The following PTPRO variants were observed in gnomAD, a reference collection of about 807,000 sequenced individuals.
PTPRO encodes receptor-type tyrosine-protein phosphatase O.
In PTPRO, 62 loss-of-function variants were observed where a neutral mutation model predicts 145.2. The observed-to-expected ratio is 0.43, with a 90% CI of 0.35 to 0.53. The LOEUF (loss-of-function observed/expected upper bound fraction) is 0.53, where lower values mean the gene tolerates loss of function less well. Among genes scored for constraint, PTPRO ranks in the 20% least tolerant of loss-of-function variants. The pLI, the probability that PTPRO is intolerant of heterozygous loss-of-function variation, is 0.01. For synonymous variants in PTPRO, 565 were observed against 514.7 expected (o/e 1.10, Z -1.32); for missense variants, 1,345 against 1,482.7 (o/e 0.91, Z 1.53).
chr12:15,488,247 A>T (rs1941931551), intron 2 of PTPRO, among the ~76,000 whole-genome samples: 1 of 152,196 alleles, frequency 6.6e-6, no homozygotes, highest in Admixed American at 6.5e-5. Context: ...ATTAAATATT[A>T]TCTTGTACCT....
intron 7 of PTPRO, among the ~76,000 whole-genome samples, chr12:15,513,104 A>G (rs1337695937): frequency 6.4e-5 from 1 of 15,652 alleles, no homozygotes; most frequent in East Asian, 6.3e-4. Flanking sequence ...AGAAAGAAAG[A>G]AAGAAAGGAA....
chr12:15,421,710 T>A (rs1003892682), intron 1 of PTPRO, among the ~76,000 whole-genome samples: 2 of 152,252 alleles, frequency 1.3e-5, no homozygotes, highest in Non-Finnish European at 2.9e-5. Context: ...TCCAATAATT[T>A]ATGATATCAT....
chr12:15,365,149 T>A (rs1010172634), intron 1 of PTPRO, among the ~76,000 whole-genome samples: 2 of 152,190 alleles, frequency 1.3e-5, no homozygotes, highest in African/African-American at 4.8e-5. Flanking sequence ...GATTTTGCTA[T>A]GCTGGACATA....
intron 1 of PTPRO, among the ~76,000 whole-genome samples, chr12:15,372,089 T>C (rs958634834): frequency 1.2e-4 from 18 of 152,186 alleles, no homozygotes; most frequent in Non-Finnish European, 2.5e-4. Context: ...CAATTTTACT[T>C]TGCAAAATTC....
chr12:15,359,560 G>A (rs945717448), intron 1 of PTPRO, among the ~76,000 whole-genome samples: 4 of 147,138 alleles, frequency 2.7e-5, no homozygotes, highest in Admixed American at 1.4e-4. Context: ...CCACCACCAC[G>A]CCTAGCTAAT....
intron 12 of PTPRO, among the ~76,000 whole-genome samples, chr12:15,541,261 G>C (rs1352784106): frequency 6.6e-6 from 1 of 152,146 alleles, no homozygotes; most frequent in African/African-American, 2.4e-5. Flanking sequence ...ATTATATAAA[G>C]TGTTTGTGTA....
chr12:15,541,082 A>G (rs1443285832), intron 12 of PTPRO, among the ~76,000 whole-genome samples: 2 of 152,306 alleles, frequency 1.3e-5, no homozygotes, highest in East Asian at 1.9e-4. Context: ...ACCCATATAC[A>G]TAGGTACTCA....
intron 6 of PTPRO, among the ~76,000 whole-genome samples, chr12:15,507,656 T>C (rs1277834395): frequency 2.0e-5 from 3 of 152,154 alleles, no homozygotes; most frequent in Admixed American, 6.5e-5. Flanking sequence ...CCTATAAATA[T>C]GTAATGGGTT....
chr12:15,448,534 A>C (rs572384101), intron 1 of PTPRO, among the ~76,000 whole-genome samples: 3 of 152,170 alleles, frequency 2.0e-5, no homozygotes, highest in South Asian at 4.2e-4. Context: ...ACAAGTGTGC[A>C]CAAGGTTGTG....
intron 1 of PTPRO, among the ~76,000 whole-genome samples, chr12:15,330,544 T>A (rs1444225544): frequency 6.6e-6 from 1 of 152,202 alleles, no homozygotes; most frequent in Non-Finnish European, 1.5e-5. Context: ...GCCCTTTGGT[T>A]CCTAGTGAGT....
chr12:15,587,926 G>A (rs4353325), intron 24 of PTPRO, among the ~76,000 whole-genome samples: 142,196 of 152,254 alleles, frequency 0.93, 67,122 homozygotes, highest in East Asian at 1. Context: ...ACTAGAATGA[G>A]GAAGTATATG....
At chr12:15,482,144 G>GGT (rs57202820) in intron 1 of PTPRO, among the ~76,000 whole-genome samples, 9,270 of 148,190 alleles carry the variant, frequency 0.063, 336 homozygotes, top group East Asian at 0.099. Flanking sequence ...AAGAAAATAT[G>GGT]GTGTGTGTGT....
At position 15,578,844 on chromosome 12, in the gene PTPRO, C is replaced by T. The variant is rs1944245077; in HGVS notation, c.2830-9C>T. 1 of 1,559,680 alleles carries T rather than the reference C, an allele frequency of 6.4e-7. No individual in the cohort carries two copies. Among genetic ancestry groups the T allele is most frequent in the South Asian group, 1.1e-5 (1 of 89,962 alleles). On this transcript the variant is annotated splice_polypyrimidine_tract_variant and intron_variant, in intron 19 of 26. Transcript: ENST00000281171. ...TGGAACTCTCAAATCCATTCTCTGT[C>T]CTTTACAGGAGTTGAAATTGATTGG...
intron 1 of PTPRO, among the ~76,000 whole-genome samples, chr12:15,324,456 T>C (rs1247363856): frequency 1.3e-5 from 2 of 152,180 alleles, no homozygotes; most frequent in African/African-American, 4.8e-5. Context: ...AAAATGCAGT[T>C]AGTGATGGTG....
Position 15,596,697 on chromosome 12 carries a change from CTT to C in PTPRO, c.*627_*628del, listed in dbSNP as rs933950749. 1.3e-5 allele frequency: 2 copies of C among 152,188 alleles called. No homozygotes were observed. Among genetic ancestry groups the C allele is most frequent in the African/African-American group, 4.8e-5 (2 of 41,432 alleles). 9.4% of individuals were successfully genotyped at this position (152,188 alleles called of 1,614,324 possible). ...TCTACCCACAGATCAACTGTGTAAT[CTT>C]TTACTATTCAAGCTATAATTCAGCT... On this transcript the variant is annotated 3_prime_UTR_variant, in exon 27 of 27. Transcript: ENST00000281171.
At chr12:15,388,955 C>G (rs1373033466) in intron 1 of PTPRO, among the ~76,000 whole-genome samples, 1 of 151,814 alleles carries the variant, frequency 6.6e-6, no homozygotes, top group African/African-American at 2.4e-5. Flanking sequence ...TGACCTCTTT[C>G]CTTACTCTCA....
chr12:15,449,771 G>C (rs867476270), intron 1 of PTPRO, among the ~76,000 whole-genome samples: 1 of 152,246 alleles, frequency 6.6e-6, no homozygotes, highest in Middle Eastern at 3.4e-3. Flanking sequence ...GGTAATCTAA[G>C]ATGTTACAGT....
At chr12:15,435,400 CTGCT>C (rs1461116546) in intron 1 of PTPRO, among the ~76,000 whole-genome samples, 1 of 152,100 alleles carries the variant, frequency 6.6e-6, no homozygotes, top group Admixed American at 6.5e-5. Flanking sequence ...CATAAAATCT[CTGCT>C]TGACAATCTC....
chr12:15,594,546 TAC>T lies in PTPRO; in HGVS notation c.3547-383_3547-382del, dbSNP rs1216219705. On this transcript the variant is annotated intron_variant, in intron 25 of 26. Transcript: ENST00000281171. ...ATATACATACATATATATGTATATA[TAC>T]ACACACATATATATAAACATATATA... 5.3e-5 allele frequency among the ~76,000 whole-genome samples: 8 copies of T among 151,990 alleles called. No homozygotes were observed. In the East Asian group the frequency reaches 1.5e-3, roughly 29 times the overall value.
Sources: gnomAD v4.1 joint callset for allele counts (sites outside exome capture counted in the v4.1 genomes callset) on GRCh38, gnomAD v4.1.1 for gene constraint, MANE v1.5 for transcripts, NCBI Gene and HGNC (gene_info 2026-07-23, HGNC 2026-07-21) for gene names.